The following APOD variants were observed in gnomAD, a reference collection of about 807,000 sequenced individuals.
The protein encoded by APOD is apolipoprotein D.
A neutral mutation model predicts 20.4 loss-of-function variants in APOD; 22 were observed. That is an observed-to-expected ratio of 1.08 (90% CI 0.77 to 1.54). The LOEUF (loss-of-function observed/expected upper bound fraction) is 1.54. Among genes scored for constraint, APOD ranks in the 40% most tolerant of loss-of-function variants. The pLI is 0.00. For missense variants in APOD, 223 were observed against 229.6 expected (o/e 0.97, Z 0.19); for synonymous variants, 97 against 92.4 (o/e 1.05, Z -0.29).
At position 195,579,377 on chromosome 3, in the gene APOD, G is replaced by C; in HGVS notation, c.85C>G (p.Pro29Ala). Residue 29 changes from proline to alanine, a missense_variant, in exon 2 of 5, where the codon CCC (proline) becomes GCC (alanine). Pro to Ala is a conservative substitution (Grantham distance 27, BLOSUM62 -1). Transcript: ENST00000343267. ...AAATTCTCCTGCACCGGAGGATTGG[G>C]GCACTTCCCAAGATGAAATGCTTGT... Reference protein sequence around the residue: ...EGQAFHLGKCPNPPVQENFDV... With the variant: ...EGQAFHLGKCANPPVQENFDV... The C allele has an allele frequency of 6.2e-7, 1 of 1,614,240 alleles. No individual in the cohort carries two copies. Among genetic ancestry groups the C allele is most frequent in the South Asian group, 1.1e-5 (1 of 91,088 alleles).
rs1720100996 is a variant in APOD at position 195,568,767 on chromosome 3, A to T, written c.*133T>A. On this transcript the variant is annotated 3_prime_UTR_variant, in exon 5 of 5. Transcript: ENST00000343267. ...TTTATTTTGCAGCTAGCAAGGTAACAGGGTAGGGCATGGTTACATGTTCAG... is the reference window on the plus strand; with the variant it reads ...TTTATTTTGCAGCTAGCAAGGTAACTGGGTAGGGCATGGTTACATGTTCAG... The T allele has an allele frequency of 1.5e-6, 1 of 662,144 alleles. No individual in the cohort carries two copies. The highest frequency in any genetic ancestry group is 2.6e-5 in the Admixed American group (1 of 39,004). 41.0% of individuals were successfully genotyped at this position (662,144 alleles called of 1,614,324 possible).
intron 1 of APOD, among the ~76,000 whole-genome samples, chr3:195,582,119 G>A (rs554875394): frequency 1.6e-4 from 25 of 152,254 alleles, no homozygotes; most frequent in Non-Finnish European, 2.2e-4. Flanking sequence ...GCTTGAACCC[G>A]GGAGGTGGAG....
At chr3:195,575,334 C>G (rs1024359756) in intron 2 of APOD, among the ~76,000 whole-genome samples, 4 of 152,220 alleles carry the variant, frequency 2.6e-5, no homozygotes. Flanking sequence ...CTGGCCATCT[C>G]AAGGCTCATA....
chr3:195,576,487 C>A (rs1720249390), intron 2 of APOD, among the ~76,000 whole-genome samples: 1 of 152,162 alleles, frequency 6.6e-6, no homozygotes, highest in Non-Finnish European at 1.5e-5. Context: ...AGCAAGGTTA[C>A]AAGATACAAG....
chr3:195,571,172 T>G (rs1426637201), intron 4 of APOD, 105 bp downstream of exon 4: 3 of 945,242 alleles, frequency 3.2e-6, no homozygotes, highest in Non-Finnish European at 5.2e-6. Flanking sequence ...GCTGAGTGAT[T>G]ATAGATGACA....
chr3:195,581,008 C>G (rs949073303), intron 1 of APOD, among the ~76,000 whole-genome samples: 5 of 152,212 alleles, frequency 3.3e-5, no homozygotes, highest in Non-Finnish European at 7.3e-5. Flanking sequence ...ATGATGATGA[C>G]TGATGCAATG....
At chr3:195,579,311 C>A in intron 2 of APOD, 28 bp downstream of exon 2, 1 of 1,613,454 alleles carries the variant, frequency 6.2e-7, no homozygotes, top group East Asian at 2.2e-5. Context: ...GCGGAGGCAG[C>A]AAAACAAACG....
chr3:195,573,097 C>T (rs1720193881), intron 3 of APOD, among the ~76,000 whole-genome samples: 1 of 152,180 alleles, frequency 6.6e-6, no homozygotes, highest in African/African-American at 2.4e-5. Flanking sequence ...AGCAACAAAC[C>T]AGTCTCCTCC....
At chr3:195,571,782 CTTT>C (rs34868553) in intron 3 of APOD, among the ~76,000 whole-genome samples, 1 of 145,156 alleles carries the variant, frequency 6.9e-6, no homozygotes, top group African/African-American at 2.5e-5. Flanking sequence ...AGAAGATTCA[CTTT>C]TTTTTTTTTT....
intron 2 of APOD, among the ~76,000 whole-genome samples, chr3:195,578,235 T>C (rs1316627044): frequency 6.6e-6 from 1 of 152,172 alleles, no homozygotes; most frequent in Non-Finnish European, 1.5e-5. Flanking sequence ...CTGTGGTCTA[T>C]CAGAGTTACC....
At chr3:195,573,645 G>A (rs1261886984) in intron 3 of APOD, among the ~76,000 whole-genome samples, 2 of 152,200 alleles carry the variant, frequency 1.3e-5, no homozygotes, top group Admixed American at 1.3e-4. Context: ...GTCAGTTTGT[G>A]CCCCGCAGGT....
chr3:195,581,227 G>A (rs1720333291), intron 1 of APOD, among the ~76,000 whole-genome samples: 1 of 152,124 alleles, frequency 6.6e-6, no homozygotes, highest in Non-Finnish European at 1.5e-5. Context: ...AGGGGGAGAT[G>A]GTTGCTGAGG....
In APOD at chr3:195,568,797, A is replaced by G; in HGVS notation, c.*103T>C. On this transcript the variant is annotated 3_prime_UTR_variant, in exon 5 of 5. Transcript: ENST00000343267. Reference sequence around the variant, plus strand: ...AGGGCATGGTTACATGTTCAGGTCAACTTCCTTTGTCGTGGTTGATTGGTT... The same window carrying G: ...AGGGCATGGTTACATGTTCAGGTCAGCTTCCTTTGTCGTGGTTGATTGGTT... 2 of 795,938 alleles carry G rather than the reference A, an allele frequency of 2.5e-6. No homozygotes were observed. Among genetic ancestry groups the G allele is most frequent in the Non-Finnish European group, 4.2e-6 (2 of 480,680 alleles). The allele number at this position is 795,938 out of a possible 1,614,324, so 49.3% of individuals were successfully genotyped here. A position where few individuals can be genotyped will look rare whatever the true frequency, so the allele number is the denominator to read the frequency against.
rs540890835 is a variant in APOD, at chr3:195,580,706, G to A, written c.-34-1211C>T. Among the ~76,000 whole-genome samples the A allele has an allele frequency of 6.6e-5, 10 of 152,274 alleles. No individual in the cohort carries two copies. In the South Asian group the frequency reaches 2.1e-3, roughly 32 times the overall value. Reference sequence around the variant, plus strand: ...AGGCCTGAGCCACCGCACCCGGCCTGTTGAGGGTATTTTTCATAGATGAAG... The same window carrying A: ...AGGCCTGAGCCACCGCACCCGGCCTATTGAGGGTATTTTTCATAGATGAAG... On this transcript the variant is annotated intron_variant, in intron 1 of 4. Coordinates refer to ENST00000343267, the MANE Select transcript of APOD (RefSeq NM_001647.4).
At chr3:195,576,785 GGGTGACA>G (rs1720255591) in intron 2 of APOD, among the ~76,000 whole-genome samples, 1 of 151,958 alleles carries the variant, frequency 6.6e-6, no homozygotes, top group African/African-American at 2.4e-5. Context: ...ACTCCAGCCT[GGGTGACA>G]GAGCAAGACT....
In APOD at chr3:195,573,988, C is replaced by T; in HGVS notation, c.124-17G>A. On this transcript the variant is annotated splice_polypyrimidine_tract_variant and intron_variant, in intron 2 of 4. Coordinates refer to ENST00000343267, the MANE Select transcript of APOD (RefSeq NM_001647.4). The stretch of plus-strand genomic sequence containing the variant: ...TCCGAGATACTGCAGAGACAACAAG[C>T]AGAGCAAAACCCTGTGGTTCTCTGG... The T allele has an allele frequency of 6.2e-7, 1 of 1,612,940 alleles. No homozygotes were observed. The highest frequency in any genetic ancestry group is 1.7e-5 in the Admixed American group (1 of 59,882).
At chr3:195,579,208 G>T in intron 2 of APOD, 131 bp downstream of exon 2, 1 of 1,435,194 alleles carries the variant, frequency 7.0e-7, no homozygotes, top group Non-Finnish European at 9.4e-7. Context: ...CTGCTTTGGG[G>T]AAACCCCAAA....
intron 1 of APOD, among the ~76,000 whole-genome samples, chr3:195,580,437 C>T (rs1483914520): frequency 6.7e-6 from 1 of 149,524 alleles, no homozygotes; most frequent in African/African-American, 2.5e-5. Context: ...TGGAGTCTCA[C>T]TCTGTCACCC....
intron 2 of APOD, among the ~76,000 whole-genome samples, 163 bp from the exon 3 acceptor site, chr3:195,574,134 C>G (rs966031445): frequency 1.3e-5 from 2 of 152,146 alleles, no homozygotes; most frequent in Non-Finnish European, 2.9e-5. Flanking sequence ...CAATGAGAAT[C>G]TGTGACTAGG....
Sources: gnomAD v4.1 joint callset for allele counts (sites outside exome capture counted in the v4.1 genomes callset) on GRCh38, gnomAD v4.1.1 for gene constraint, MANE v1.5 for transcripts, NCBI Gene and HGNC (gene_info 2026-07-23, HGNC 2026-07-21) for gene names.